The following LHFPL2 variants were observed in gnomAD, a reference collection of about 807,000 sequenced individuals.
The protein encoded by LHFPL2 is LHFPL tetraspan subfamily member 2 protein.
Under a neutral mutation model 17.5 loss-of-function variants are expected in LHFPL2, and 7 were observed. That is an observed-to-expected ratio of 0.40 (90% CI 0.23 to 0.75). The LOEUF (loss-of-function observed/expected upper bound fraction) is 0.75, where lower values mean the gene tolerates loss of function less well. LHFPL2 is among the 30% of genes least tolerant of loss of function. The pLI is 0.37. For synonymous variants in LHFPL2, 134 were observed against 116.2 expected (o/e 1.15, Z -0.99); for missense variants, 241 against 294.8 (o/e 0.82, Z 1.34).
intron 2 of LHFPL2, among the ~76,000 whole-genome samples, chr5:78,606,801 A>G (rs1045065995): frequency 4.6e-5 from 7 of 152,072 alleles, no homozygotes; most frequent in Non-Finnish European, 8.8e-5. Context: ...CAGCCTCACA[A>G]GTAGCTGGGA....
chr5:78,507,195 T>C (rs1754956521), intron 4 of LHFPL2, among the ~76,000 whole-genome samples: 1 of 152,104 alleles, frequency 6.6e-6, no homozygotes, highest in Admixed American at 6.5e-5. Context: ...CCAGGCATGG[T>C]GGCAGGTGCC....
intron 3 of LHFPL2, among the ~76,000 whole-genome samples, chr5:78,545,125 G>A (rs770625376): frequency 9.9e-5 from 15 of 152,156 alleles, no homozygotes; most frequent in Non-Finnish European, 1.9e-4. Context: ...ACTGTGAGGC[G>A]GATCATACAC....
intron 2 of LHFPL2, among the ~76,000 whole-genome samples, chr5:78,572,946 G>T (rs1757040566): frequency 6.6e-6 from 1 of 152,156 alleles, no homozygotes; most frequent in Admixed American, 6.5e-5. Context: ...GTTCACAATA[G>T]GGTTTGTGCT....
intron 3 of LHFPL2, among the ~76,000 whole-genome samples, chr5:78,544,691 C>A (rs1397335967): frequency 2.6e-5 from 4 of 151,914 alleles, no homozygotes; most frequent in Admixed American, 2.0e-4. Context: ...GTCAGGCCAC[C>A]TTGGTGGGAA....
intron 4 of LHFPL2, among the ~76,000 whole-genome samples, chr5:78,491,660 G>T (rs1189071173): frequency 6.6e-6 from 1 of 152,208 alleles, no homozygotes; most frequent in South Asian, 2.1e-4. Context: ...TCCAGGCTCC[G>T]CCCTGTATGA....
intron 4 of LHFPL2, among the ~76,000 whole-genome samples, chr5:78,493,856 A>T (rs1377875093): frequency 6.6e-6 from 1 of 152,228 alleles, no homozygotes; most frequent in African/African-American, 2.4e-5. Context: ...AAGGCAAGAG[A>T]ATACAGTAAC....
At chr5:78,499,980 T>A (rs1108507) in intron 4 of LHFPL2, among the ~76,000 whole-genome samples, 56,527 of 150,502 alleles carry the variant, frequency 0.38, 12,545 homozygotes, top group Non-Finnish European at 0.5. Context: ...AACACCTGTG[T>A]GAGCAGAAAA....
chr5:78,582,128 G>C (rs1358789333), intron 2 of LHFPL2, among the ~76,000 whole-genome samples: 9 of 152,204 alleles, frequency 5.9e-5, no homozygotes, highest in African/African-American at 1.9e-4. Flanking sequence ...TGTGGGATCA[G>C]TGGTGATACC....
chr5:78,514,368 A>AG (rs1313052442), intron 3 of LHFPL2, among the ~76,000 whole-genome samples: 2 of 144,742 alleles, frequency 1.4e-5, no homozygotes, highest in East Asian at 4.2e-4. Flanking sequence ...AAAAAAAAAA[A>AG]AAAGACAAAT....
At chr5:78,604,669 C>T (rs1744147086) in intron 2 of LHFPL2, among the ~76,000 whole-genome samples, 1 of 152,156 alleles carries the variant, frequency 6.6e-6, no homozygotes, top group African/African-American at 2.4e-5. Flanking sequence ...TACATGCAAA[C>T]CCTGATAACT....
intron 2 of LHFPL2, among the ~76,000 whole-genome samples, chr5:78,582,238 T>C (rs1743174772): frequency 1.3e-5 from 2 of 152,202 alleles, no homozygotes; most frequent in Admixed American, 1.3e-4. Flanking sequence ...AAAAACCAGC[T>C]CCTGGATTCA....
chr5:78,506,144 T>A (rs969395120), intron 4 of LHFPL2, among the ~76,000 whole-genome samples: 2 of 152,264 alleles, frequency 1.3e-5, no homozygotes, highest in Middle Eastern at 3.2e-3. Flanking sequence ...AGTTTGGGAT[T>A]TCCATTGAAG....
chr5:78,490,572 GA>G (rs61330092), intron 4 of LHFPL2, among the ~76,000 whole-genome samples: 36,011 of 151,796 alleles, frequency 0.24, 4,734 homozygotes, highest in East Asian at 0.53. Flanking sequence ...CCAACATGGT[GA>G]AACCCCGTCT....
At chr5:78,593,156 G>A (rs1199277118) in intron 2 of LHFPL2, among the ~76,000 whole-genome samples, 1 of 152,090 alleles carries the variant, frequency 6.6e-6, no homozygotes, top group Non-Finnish European at 1.5e-5. Flanking sequence ...CATTCACGGG[G>A]GGCGAAAGGA....
intron 3 of LHFPL2, among the ~76,000 whole-genome samples, chr5:78,559,057 C>T (rs918847980): frequency 6.6e-6 from 1 of 152,202 alleles, no homozygotes; most frequent in Non-Finnish European, 1.5e-5. Context: ...GCCCTGCCCA[C>T]CCTACTCTCC....
chr5:78,492,387 C>T (rs1754474825), intron 4 of LHFPL2, among the ~76,000 whole-genome samples: 1 of 152,238 alleles, frequency 6.6e-6, no homozygotes, highest in Non-Finnish European at 1.5e-5. Context: ...CATACCAGCT[C>T]TGCCACCTTG....
chr5:78,594,601 C>T (rs1436324659), intron 2 of LHFPL2, among the ~76,000 whole-genome samples: 5 of 152,194 alleles, frequency 3.3e-5, no homozygotes. Context: ...CAGAGCCCTA[C>T]AAATCATGAA....
intron 2 of LHFPL2, among the ~76,000 whole-genome samples, chr5:78,571,629 C>G (rs1757002954): frequency 6.6e-6 from 1 of 152,118 alleles, no homozygotes; most frequent in South Asian, 2.1e-4. Context: ...GAGGCAGGCC[C>G]CCCCAAATCA....
At chr5:78,575,790 G>A (rs547231173) in intron 2 of LHFPL2, among the ~76,000 whole-genome samples, 4 of 152,200 alleles carry the variant, frequency 2.6e-5, no homozygotes, top group Admixed American at 6.5e-5. Context: ...AGGGAAGATA[G>A]TGTAATTTAG....
Sources: allele counts gnomAD v4.1 joint callset (sites outside exome capture counted in the v4.1 genomes callset), GRCh38; gene constraint gnomAD v4.1.1; transcripts MANE v1.5; gene names NCBI Gene and HGNC (gene_info 2026-07-23, HGNC 2026-07-21).